The following CHST15 variants were observed in gnomAD, a reference collection of about 807,000 sequenced individuals.
CHST15 encodes the protein carbohydrate sulfotransferase 15, also known as B cell RAG associated protein (GALNAC4S-6ST).
CHST15 carries 30 observed loss-of-function variants against 53.6 expected under a neutral mutation model. That is an observed-to-expected ratio of 0.56 (90% CI 0.42 to 0.76). The LOEUF (loss-of-function observed/expected upper bound fraction) is 0.76, where lower values mean the gene tolerates loss of function less well. Among genes scored for constraint, CHST15 ranks in the 30% least tolerant of loss-of-function variants. The pLI is 0.00. For synonymous variants in CHST15, 296 were observed against 289.8 expected (o/e 1.02, Z -0.22); for missense variants, 627 against 740.5 (o/e 0.85, Z 1.78).
intron 1 of CHST15, among the ~76,000 whole-genome samples, chr10:124,053,724 C>T (rs1209142006): frequency 6.6e-6 from 1 of 152,132 alleles, no homozygotes; most frequent in Non-Finnish European, 1.5e-5. Flanking sequence ...TCTAGACCAG[C>T]TTGGGCAACA....
intron 6 of CHST15, among the ~76,000 whole-genome samples, chr10:124,013,241 T>C (rs1946474286): frequency 1.3e-5 from 2 of 152,150 alleles, no homozygotes; most frequent in Admixed American, 6.5e-5. Context: ...AACACTGAGA[T>C]TGATGATGGG....
At chr10:124,085,635 C>T (rs1296550850) in intron 1 of CHST15, among the ~76,000 whole-genome samples, 2 of 152,252 alleles carry the variant, frequency 1.3e-5, no homozygotes, top group Admixed American at 1.3e-4. Context: ...GAGCCCCAGA[C>T]ACCCTCCTCC....
Position 124,007,997 on chromosome 10 carries a change from C to A in CHST15, c.*2152G>T. The A allele has an allele frequency of 8.1e-7, 1 of 1,231,964 alleles. No individual in the cohort carries two copies. Among genetic ancestry groups the A allele is most frequent in the Non-Finnish European group, 1.0e-6 (1 of 987,946 alleles). 76.3% of individuals were successfully genotyped at this position (1,231,964 alleles called of 1,614,324 possible). A position where few individuals can be genotyped will look rare whatever the true frequency, so the allele number is the denominator to read the frequency against. Reference sequence around the variant, plus strand: ...AAGTGCCCTCTGGAGAGAAAGGCCCCTGGAGGGAAAAACCATGTCTGGATG... The same window carrying A: ...AAGTGCCCTCTGGAGAGAAAGGCCCATGGAGGGAAAAACCATGTCTGGATG... On this transcript the variant is annotated 3_prime_UTR_variant, in exon 8 of 8. Transcript: ENST00000435907.
rs538443702 is a variant in CHST15 at position 124,067,752 on chromosome 10, G to C, written c.-512-21028C>G. 3.9e-5 allele frequency among the ~76,000 whole-genome samples: 6 copies of C among 152,196 alleles called. No individual in the cohort carries two copies. The East Asian group carries it at 1.2e-3, about 29-fold the overall frequency. On this transcript the variant is annotated intron_variant, in intron 1 of 7. Coordinates refer to ENST00000435907, the MANE Select transcript of CHST15 (RefSeq NM_001270764.2). ...CTGCCTCAGCCTCCCAAATAGCTGG[G>C]ATTACAGGCGACCACCACCATGCCC...
intron 1 of CHST15, among the ~76,000 whole-genome samples, chr10:124,090,618 AT>A (rs1350381302): frequency 6.6e-6 from 1 of 152,228 alleles, no homozygotes; most frequent in African/African-American, 2.4e-5. Context: ...TCTTCCAGGC[AT>A]GTGAAAAATC....
intron 5 of CHST15, among the ~76,000 whole-genome samples, chr10:124,034,708 GGGACCCCGGCTCCACCCC>G (rs1947369422): frequency 7.0e-6 from 1 of 143,008 alleles, no homozygotes; most frequent in African/African-American, 2.7e-5. Context: ...CCCCCTAACA[GGGACCCCGGCTCCACCCC>G]CTAACAGGGA....
At position 124,009,915 on chromosome 10, in the gene CHST15, G is replaced by C. The variant is rs1946364263; in HGVS notation, c.*234C>G. On this transcript the variant is annotated 3_prime_UTR_variant, in exon 8 of 8. Transcript: ENST00000435907. The stretch of plus-strand genomic sequence containing the variant: ...ACGCTCAGAGCAGAGCTGAATTCTT[G>C]AGAAACTGGGGTCTCCAATGGCCTC... 3 of 1,354,790 alleles carry C rather than the reference G, an allele frequency of 2.2e-6. No homozygotes were observed. The highest frequency in any genetic ancestry group is 3.2e-5 in the Admixed American group (1 of 31,258). 83.9% of individuals were successfully genotyped at this position (1,354,790 alleles called of 1,614,324 possible).
intron 1 of CHST15, among the ~76,000 whole-genome samples, chr10:124,091,480 G>A (rs1219542213): frequency 6.6e-6 from 1 of 152,128 alleles, no homozygotes. Context: ...AGGCCTTTCT[G>A]CCCCAACGCT....
In CHST15 at chr10:124,056,683, G is replaced by A. The variant is rs192688090; in HGVS notation, c.-512-9959C>T. On this transcript the variant is annotated intron_variant, in intron 1 of 7. Transcript: ENST00000435907. ...GCCCCATGCACAGGAGGCAGGCCCC[G>A]GTGCGCAGCCCCCAACTCCTATTTT... 3.7e-3 allele frequency among the ~76,000 whole-genome samples: 562 copies of A among 152,358 alleles called. 1 individual carries two copies. The highest frequency in any genetic ancestry group is 6.5e-3 in the Non-Finnish European group (444 of 68,032).
chr10:124,012,000 C>T (rs1297652043), intron 7 of CHST15, among the ~76,000 whole-genome samples: 1 of 152,166 alleles, frequency 6.6e-6, no homozygotes, highest in Admixed American at 6.5e-5. Flanking sequence ...ACATACCTTA[C>T]ATGACAGTGC....
chr10:124,020,223 T>C, intron 6 of CHST15: 1 of 985,484 alleles, frequency 1.0e-6, no homozygotes, highest in Non-Finnish European at 1.2e-6. Context: ...TATTACCCCA[T>C]TGTATGACAA....
In CHST15 at chr10:124,038,503, G is replaced by C; in HGVS notation, c.1190+12C>G. ...CTTCTCACCCCAAATACAACACACA[G>C]AAACTGCTCACCTCTCCACAGGGTC... On this transcript the variant is annotated intron_variant, in intron 5 of 7. Coordinates refer to ENST00000435907, the MANE Select transcript of CHST15 (RefSeq NM_001270764.2). 1 of 1,612,524 alleles carries C rather than the reference G, an allele frequency of 6.2e-7. No individual in the cohort carries two copies. The highest frequency in any genetic ancestry group is 2.2e-5 in the East Asian group (1 of 44,804).
chr10:124,034,727 CT>C (rs1343542532), intron 5 of CHST15, among the ~76,000 whole-genome samples: 3 of 142,286 alleles, frequency 2.1e-5, no homozygotes, highest in African/African-American at 8.0e-5. Context: ...GCTCCACCCC[CT>C]AACAGGGACC....
At position 124,024,236 on chromosome 10, in the gene CHST15, G is replaced by T. The variant is rs949711494; in HGVS notation, c.1191-2824C>A. On this transcript the variant is annotated intron_variant, in intron 5 of 7. Coordinates refer to ENST00000435907, the MANE Select transcript of CHST15 (RefSeq NM_001270764.2). This position sits in a 1 kb window ranked among gnomAD's most constrained non-coding sequence, Gnocchi z 4.0. Reference sequence around the variant, plus strand: ...TTATAGCAGGGTCTGTTGCAAATGCGCCTTCTCCACTGCCCTCCCCTCTAA... The same window carrying T: ...TTATAGCAGGGTCTGTTGCAAATGCTCCTTCTCCACTGCCCTCCCCTCTAA... 8.5e-5 allele frequency among the ~76,000 whole-genome samples: 13 copies of T among 152,142 alleles called. No individual in the cohort carries two copies. The highest frequency in any genetic ancestry group is 3.1e-4 in the African/African-American group (13 of 41,404).
chr10:124,040,266 C>T (rs1947685844), intron 4 of CHST15, among the ~76,000 whole-genome samples: 1 of 152,204 alleles, frequency 6.6e-6, no homozygotes, highest in African/African-American at 2.4e-5. Flanking sequence ...GAAGCATTAA[C>T]TTAGTGTCTA....
At chr10:124,084,452 C>G (rs1352139085) in intron 1 of CHST15, among the ~76,000 whole-genome samples, 1 of 151,598 alleles carries the variant, frequency 6.6e-6, no homozygotes, top group African/African-American at 2.4e-5. Flanking sequence ...GCCTTAGGAA[C>G]AAGCTCCCCC....
intron 1 of CHST15, among the ~76,000 whole-genome samples, chr10:124,090,479 TG>T (rs920338949): frequency 1.3e-5 from 2 of 152,236 alleles, no homozygotes; most frequent in African/African-American, 4.8e-5. Context: ...TGCAGACTCC[TG>T]GGGCCCAGCT....
At chr10:124,060,484 C>CA (rs1293128729) in intron 1 of CHST15, among the ~76,000 whole-genome samples, 8 of 148,458 alleles carry the variant, frequency 5.4e-5, no homozygotes, top group African/African-American at 7.5e-5. Context: ...GTGCCAGCCC[C>CA]CCAGGGGTGT....
intron 1 of CHST15, among the ~76,000 whole-genome samples, chr10:124,080,616 C>T (rs1258889862): frequency 2.0e-5 from 3 of 152,064 alleles, no homozygotes; most frequent in African/African-American, 7.3e-5. Context: ...TGGAGGGTGA[C>T]TCTCAAGAGG....
Sources: allele counts gnomAD v4.1 joint callset (sites outside exome capture counted in the v4.1 genomes callset), GRCh38; gene constraint gnomAD v4.1.1; non-coding constraint Gnocchi (gnomAD v3.1); transcripts MANE v1.5; gene names NCBI Gene and HGNC (gene_info 2026-07-23, HGNC 2026-07-21).